The following LRRTM4 variants were observed in gnomAD, a reference collection of about 807,000 sequenced individuals.
The protein encoded by LRRTM4 is leucine-rich repeat transmembrane neuronal protein 4.
A neutral mutation model predicts 47.6 loss-of-function variants in LRRTM4; 25 were observed. The ratio of observed to expected loss-of-function variants is 0.53; its 90% confidence interval spans 0.38 to 0.73. LRRTM4 has a LOEUF of 0.73. LRRTM4 is among the 30% of genes least tolerant of loss of function. The pLI, the probability that LRRTM4 is intolerant of heterozygous loss-of-function variation, is 0.00. For missense variants in LRRTM4, 638 were observed against 713.4 expected (o/e 0.89, Z 1.20); for synonymous variants, 311 against 269.5 (o/e 1.15, Z -1.51).
At chr2:77,199,290 C>G (rs766363911) in intron 3 of LRRTM4, among the ~76,000 whole-genome samples, 3 of 152,004 alleles carry the variant, frequency 2.0e-5, no homozygotes, top group Admixed American at 6.6e-5. Context: ...CCCAAACCAC[C>G]CTAAACTCAT....
intron 3 of LRRTM4, among the ~76,000 whole-genome samples, chr2:76,844,010 T>C (rs886978900): frequency 6.6e-6 from 1 of 151,228 alleles, no homozygotes; most frequent in Non-Finnish European, 1.5e-5. Context: ...CACACCATTC[T>C]CCTGCCTCAG....
chr2:77,254,607 G>A (rs6721830), intron 3 of LRRTM4, among the ~76,000 whole-genome samples: 18,689 of 151,522 alleles, frequency 0.12, 3,852 homozygotes, highest in African/African-American at 0.42. Context: ...TGCCAAATGC[G>A]GTTCTCAATA....
At chr2:76,781,640 C>T (rs568139202) in intron 3 of LRRTM4, among the ~76,000 whole-genome samples, 3 of 152,374 alleles carry the variant, frequency 2.0e-5, no homozygotes, top group Admixed American at 6.5e-5. Flanking sequence ...ACCCACTGAC[C>T]TGCGCCCACT....
Position 77,308,946 on chromosome 2 carries a change from A to G in LRRTM4, c.1551+209372T>C, listed in dbSNP as rs553514098. Among the ~76,000 whole-genome samples the G allele has an allele frequency of 3.3e-5, 5 of 152,260 alleles. No homozygotes were observed. The South Asian group carries it at 1.0e-3, about 32-fold the overall frequency. On this transcript the variant is annotated intron_variant, in intron 3 of 3. Transcript: ENST00000409884. ...ACAAAAACAAAAACACTAACCATAA[A>G]CTCAGTATCACAAAAGAATCTCATT...
At chr2:76,939,513 C>T (rs1022999579) in intron 3 of LRRTM4, among the ~76,000 whole-genome samples, 2 of 151,814 alleles carry the variant, frequency 1.3e-5, no homozygotes, top group African/African-American at 4.8e-5. Flanking sequence ...GGTTGGAAAG[C>T]TCCCGTGCAG....
rs112318451 is a variant in LRRTM4, at chr2:77,487,200, G to T, written c.1551+31118C>A. 3.9e-3 allele frequency among the ~76,000 whole-genome samples: 600 copies of T among 152,298 alleles called. 4 individuals are homozygous for T. Among genetic ancestry groups the T allele is most frequent in the Middle Eastern group, 0.027 (8 of 294 alleles). Reference sequence around the variant, plus strand: ...CCCCGCCCCCTTCTGAGTTGGTGGGGCAGAAGCCCTGCACTTCTGGGTGCA... The same window carrying T: ...CCCCGCCCCCTTCTGAGTTGGTGGGTCAGAAGCCCTGCACTTCTGGGTGCA... On this transcript the variant is annotated intron_variant, in intron 3 of 3. Coordinates refer to ENST00000409884, the MANE Select transcript of LRRTM4 (RefSeq NM_001134745.3).
intron 3 of LRRTM4, among the ~76,000 whole-genome samples, chr2:76,953,506 G>A (rs1675565969): frequency 6.6e-6 from 1 of 151,854 alleles, no homozygotes; most frequent in African/African-American, 2.4e-5. Flanking sequence ...CTCTTGTGAG[G>A]GAAAGAGAAG....
intron 3 of LRRTM4, among the ~76,000 whole-genome samples, chr2:77,165,348 G>A (rs1327669912): frequency 6.6e-6 from 1 of 152,040 alleles, no homozygotes; most frequent in African/African-American, 2.4e-5. Flanking sequence ...AAAAGTCCAG[G>A]ACCGACAGAT....
At chr2:77,520,022 G>A (rs1451874882) in intron 2 of LRRTM4, among the ~76,000 whole-genome samples, 158 bp from the exon 3 acceptor site, 1 of 152,068 alleles carries the variant, frequency 6.6e-6, no homozygotes, top group Non-Finnish European at 1.5e-5. Context: ...CTTCAGTGTT[G>A]CATGTTTGCT....
chr2:76,881,171 T>C (rs1462460228), intron 3 of LRRTM4, among the ~76,000 whole-genome samples: 1 of 152,192 alleles, frequency 6.6e-6, no homozygotes, highest in Admixed American at 6.5e-5. Context: ...ATAAATTGTG[T>C]ATATGGAAAC....
chr2:76,753,663 C>G (rs548982990), intron 3 of LRRTM4, among the ~76,000 whole-genome samples: 1 of 151,980 alleles, frequency 6.6e-6, no homozygotes, highest in South Asian at 2.1e-4. Flanking sequence ...TGTTGGGAGG[C>G]AGGGTAATTA....
At chr2:77,397,367 T>C (rs1422323566) in intron 3 of LRRTM4, among the ~76,000 whole-genome samples, 3 of 151,808 alleles carry the variant, frequency 2.0e-5, no homozygotes, top group Admixed American at 6.6e-5. Context: ...AGGAGGGACA[T>C]TGTCTAAGAC....
chr2:76,960,184 T>G (rs76566975), intron 3 of LRRTM4, among the ~76,000 whole-genome samples: 3 of 151,602 alleles, frequency 2.0e-5, no homozygotes, highest in Admixed American at 6.6e-5. Flanking sequence ...AAAAAAAAAT[T>G]ATTCCACATT....
chr2:76,888,697 T>G (rs1209302096), intron 3 of LRRTM4, among the ~76,000 whole-genome samples: 1 of 151,840 alleles, frequency 6.6e-6, no homozygotes, highest in African/African-American at 2.4e-5. Flanking sequence ...TTTGGACCAC[T>G]GCTTTCGTTG....
At chr2:77,298,328 CCGGGTT>C (rs761971857) in intron 3 of LRRTM4, among the ~76,000 whole-genome samples, 3 of 152,124 alleles carry the variant, frequency 2.0e-5, no homozygotes, top group Non-Finnish European at 2.9e-5. Flanking sequence ...GCTCCGTCTC[CCGGGTT>C]CACGCCATTC....
intron 3 of LRRTM4, among the ~76,000 whole-genome samples, chr2:77,089,136 C>A (rs1680835173): frequency 6.6e-6 from 1 of 152,092 alleles, no homozygotes. Context: ...GGGGCAAGTC[C>A]CGCTTTTCTG....
chr2:77,308,445 T>C (rs1236750043), intron 3 of LRRTM4, among the ~76,000 whole-genome samples: 1 of 152,128 alleles, frequency 6.6e-6, no homozygotes, highest in Non-Finnish European at 1.5e-5. Context: ...AGCTCGAATA[T>C]TATCAACTGA....
chr2:77,396,109 T>C (rs906096541), intron 3 of LRRTM4, among the ~76,000 whole-genome samples: 1 of 151,978 alleles, frequency 6.6e-6, no homozygotes, highest in Non-Finnish European at 1.5e-5. Context: ...ATATGTTTAA[T>C]TTTGTTGTTT....
intron 3 of LRRTM4, among the ~76,000 whole-genome samples, chr2:76,878,219 G>C (rs1319531763): frequency 6.6e-6 from 1 of 152,008 alleles, no homozygotes; most frequent in Non-Finnish European, 1.5e-5. Flanking sequence ...ATAAAACATG[G>C]CAAACTTAAT....
Sources: allele counts gnomAD v4.1 joint callset (sites outside exome capture counted in the v4.1 genomes callset), GRCh38; gene constraint gnomAD v4.1.1; transcripts MANE v1.5; gene names NCBI Gene and HGNC (gene_info 2026-07-23, HGNC 2026-07-21).